WDFY2: variants seen among roughly 807,000 people sequenced by gnomAD.
WDFY2 encodes WD repeat and FYVE domain containing 2, also known as WD repeat and FYVE domain-containing protein 2.
WDFY2 carries 36 observed loss-of-function variants against 56.4 expected under a neutral mutation model. The ratio of observed to expected loss-of-function variants is 0.64; its 90% CI spans 0.49 to 0.84. The LOEUF is 0.84. WDFY2 is among the 40% of genes least tolerant of loss of function. The pLI is 0.00. For missense variants in WDFY2, 444 were observed against 512.2 expected, an observed-to-expected ratio of 0.87 and a Z score of 1.29; for synonymous variants, 176 against 183.7, an observed-to-expected ratio of 0.96 and a Z score of 0.34.
intron 1 of WDFY2, among the ~76,000 whole-genome samples, chr13:51,597,549 T>C (rs147423975): frequency 6.6e-6 from 1 of 152,230 alleles, no homozygotes; most frequent in Non-Finnish European, 1.5e-5. Flanking sequence ...TTAAAAAGTT[T>C]ATCTGTCTGT....
chr13:51,616,530 A>G (rs1376726112), intron 1 of WDFY2, among the ~76,000 whole-genome samples: 1 of 152,182 alleles, frequency 6.6e-6, no homozygotes, highest in Non-Finnish European at 1.5e-5. Flanking sequence ...TTTCTCACTC[A>G]TGGTCGTTGA....
In WDFY2 at chr13:51,702,298, A is replaced by T. The variant is rs371879980; in HGVS notation, c.280-1298A>T. 7.9e-5 allele frequency among the ~76,000 whole-genome samples: 12 copies of T among 152,042 alleles called. No homozygotes were observed. In the East Asian group the frequency reaches 2.3e-3, roughly 29 times the overall value. Reference sequence around the variant, plus strand: ...CTGCACTCCAACCAGGCAACAGAGCAAGACTCTGTCAAAAAAAAAAAAGAA... The same window carrying T: ...CTGCACTCCAACCAGGCAACAGAGCTAGACTCTGTCAAAAAAAAAAAAGAA... On this transcript the variant is annotated intron_variant, in intron 3 of 11. Coordinates refer to ENST00000298125, the MANE Select transcript of WDFY2 (RefSeq NM_052950.4).
intron 6 of WDFY2, among the ~76,000 whole-genome samples, chr13:51,734,538 ATTT>A (rs1445761417): frequency 2.6e-5 from 4 of 152,270 alleles, no homozygotes; most frequent in East Asian, 1.9e-4. Context: ...TATTTTGGCG[ATTT>A]TTTTATTTTG....
rs1953545925 is a variant in WDFY2 at position 51,760,457 on chromosome 13, A to G, written c.*688A>G. The G allele has an allele frequency of 6.6e-6, 1 of 152,178 alleles. No homozygotes were observed. Among genetic ancestry groups the G allele is most frequent in the Non-Finnish European group, 1.5e-5 (1 of 68,028 alleles). The allele number at this position is 152,178 out of a possible 1,614,324, so 9.4% of individuals were successfully genotyped here. On this transcript the variant is annotated 3_prime_UTR_variant, in exon 12 of 12. Transcript: ENST00000298125. ...TTGCCTCTGTCTTTCCCACATTAAA[A>G]AAAAAAATGCTGTGAGAAAGCTGCT...
rs1420174078 is a variant in WDFY2 at position 51,765,019 on chromosome 13, A to T, written c.*5250A>T. On this transcript the variant is annotated 3_prime_UTR_variant, in exon 12 of 12. Transcript: ENST00000298125. ...TCCACTTCCTGCTCTTGCAAGTCACAGATGATTCCAGTACAATGTGGGAGG... is the reference window on the plus strand; with the variant it reads ...TCCACTTCCTGCTCTTGCAAGTCACTGATGATTCCAGTACAATGTGGGAGG... The T allele has an allele frequency of 6.6e-6, 1 of 152,232 alleles. No homozygotes were observed. The highest frequency in any genetic ancestry group is 1.5e-5 in the Non-Finnish European group (1 of 68,068). The allele number at this position is 152,232 out of a possible 1,614,324, so 9.4% of individuals were successfully genotyped here.
rs1953656282 is a variant in WDFY2, at chr13:51,763,595, C to G, written c.*3826C>G. 6.6e-6 allele frequency: 1 copy of G among 152,234 alleles called. No homozygotes were observed. The highest frequency in any genetic ancestry group is 2.1e-4 in the South Asian group (1 of 4,828). 9.4% of individuals were successfully genotyped at this position (152,234 alleles called of 1,614,324 possible). On this transcript the variant is annotated 3_prime_UTR_variant, in exon 12 of 12. Transcript: ENST00000298125. The stretch of plus-strand genomic sequence containing the variant: ...GGGAGGATTGCTGAGCCCAGGAGTT[C>G]AAGACCAGCCTGGGCCACACAGCAA...
At chr13:51,659,457 T>G (rs1233394098) in intron 1 of WDFY2, among the ~76,000 whole-genome samples, 1 of 152,078 alleles carries the variant, frequency 6.6e-6, no homozygotes, top group East Asian at 1.9e-4. Flanking sequence ...GACACTGACT[T>G]TTTCCATTTG....
chr13:51,646,675 G>A (rs1955268953), intron 1 of WDFY2, among the ~76,000 whole-genome samples: 1 of 152,218 alleles, frequency 6.6e-6, no homozygotes, highest in South Asian at 2.1e-4. Flanking sequence ...GTGCACTTGT[G>A]AGGCAGTGGG....
At chr13:51,681,779 A>T (rs1955981184) in intron 3 of WDFY2, among the ~76,000 whole-genome samples, 1 of 152,174 alleles carries the variant, frequency 6.6e-6, no homozygotes, top group South Asian at 2.1e-4. Flanking sequence ...CCAGTTGCTT[A>T]CTATTTATTC....
At chr13:51,584,861 G>A (rs933031103) in intron 1 of WDFY2, 37 bp downstream of exon 1, 9 of 1,609,148 alleles carry the variant, frequency 5.6e-6, no homozygotes, top group Non-Finnish European at 7.6e-6. Context: ...AGGAGGGGCG[G>A]GACGGGCCGA....
At chr13:51,663,150 A>C (rs1468721972) in intron 2 of WDFY2, among the ~76,000 whole-genome samples, 1 of 152,110 alleles carries the variant, frequency 6.6e-6, no homozygotes, top group Admixed American at 6.6e-5. Context: ...GTCTCCAAAG[A>C]AAAAAAATGA....
Position 51,641,750 on chromosome 13 carries a change from C to T in WDFY2, c.138-18846C>T, listed in dbSNP as rs1473984140. Among the ~76,000 whole-genome samples, 8 of 137,192 alleles carry T rather than the reference C, an allele frequency of 5.8e-5. No homozygotes were observed. The East Asian group carries it at 7.3e-4, about 12-fold the overall frequency. The allele number at this position is 137,192 out of a possible 152,430, so 90.0% of individuals were successfully genotyped here. ...CTGAGGCAGGAGAATGACGTGAACC[C>T]GGGAGGCGGAGCTTGCAGTGAGCCG... On this transcript the variant is annotated intron_variant, in intron 1 of 11. Transcript: ENST00000298125.
chr13:51,674,019 T>C (rs557975183), intron 2 of WDFY2, among the ~76,000 whole-genome samples: 3 of 152,348 alleles, frequency 2.0e-5, no homozygotes, highest in Admixed American at 1.3e-4. Flanking sequence ...TATGTTCACT[T>C]AGTGGCTGTC....
chr13:51,737,836 A>G (rs1336683521), intron 6 of WDFY2, among the ~76,000 whole-genome samples: 2 of 152,188 alleles, frequency 1.3e-5, no homozygotes, highest in East Asian at 3.8e-4. Flanking sequence ...GGCTAACCAC[A>G]TATGCACTTG....
intron 7 of WDFY2, among the ~76,000 whole-genome samples, chr13:51,748,759 A>G (rs1006169871): frequency 1.3e-5 from 2 of 152,182 alleles, no homozygotes; most frequent in African/African-American, 4.8e-5. Context: ...GTAGGCATTA[A>G]TCAGTAAAGT....
At chr13:51,717,772 G>A (rs1952390890) in intron 4 of WDFY2, among the ~76,000 whole-genome samples, 3 of 152,060 alleles carry the variant, frequency 2.0e-5, no homozygotes, top group Admixed American at 6.6e-5. Context: ...CTGGTACTCC[G>A]AAAGCAGTTG....
intron 1 of WDFY2, chr13:51,587,629 C>G (rs899810450): frequency 6.6e-6 from 1 of 152,220 alleles, no homozygotes; most frequent in African/African-American, 2.4e-5. Flanking sequence ...TGAGTACTTA[C>G]TGTGTTCCAG....
chr13:51,675,983 G>C (rs538671539), intron 3 of WDFY2, among the ~76,000 whole-genome samples: 2 of 152,258 alleles, frequency 1.3e-5, no homozygotes, highest in Non-Finnish European at 2.9e-5. Flanking sequence ...AGTCCTGGGC[G>C]AGAGAAGCCC....
At chr13:51,711,970 G>T (rs774967114) in intron 4 of WDFY2, among the ~76,000 whole-genome samples, 6 of 152,142 alleles carry the variant, frequency 3.9e-5, no homozygotes, top group Non-Finnish European at 8.8e-5. Context: ...AAATCATCCT[G>T]CTATAAAGAC....
Sources: allele counts gnomAD v4.1 joint callset (sites outside exome capture counted in the v4.1 genomes callset), GRCh38; gene constraint gnomAD v4.1.1; transcripts MANE v1.5; gene names NCBI Gene and HGNC (gene_info 2026-07-23, HGNC 2026-07-21).